PTPRB: variants seen among roughly 807,000 people sequenced by gnomAD.
PTPRB encodes the protein protein tyrosine phosphatase receptor type B.
Under a neutral mutation model 238.1 loss-of-function variants are expected in PTPRB, and 97 were observed. The observed-to-expected ratio is 0.41, with a 90% confidence interval of 0.35 to 0.48. The LOEUF (loss-of-function observed/expected upper bound fraction) is 0.48, where lower values mean the gene tolerates loss of function less well. PTPRB is among the 20% of genes least tolerant of loss of function. The probability of loss-of-function intolerance (pLI) is 0.30; values close to 1 mark genes in which losing one functional copy is unlikely to be tolerated. For missense variants in PTPRB, 2,292 were observed against 2,681.9 expected (o/e 0.85, Z 3.21); for synonymous variants, 970 against 995.4 (o/e 0.97, Z 0.48).
intron 21 of PTPRB, among the ~76,000 whole-genome samples, chr12:70,552,051 ATAAG>A (rs1308286839): frequency 6.6e-6 from 1 of 152,162 alleles, no homozygotes; most frequent in Non-Finnish European, 1.5e-5. Context: ...TAGAAGGTAA[ATAAG>A]TGAGTATAAT....
At position 70,539,757 on chromosome 12, in the gene PTPRB, A is replaced by C. The variant is rs558908746; in HGVS notation, c.5697-51T>G. The stretch of plus-strand genomic sequence containing the variant: ...AAAAGAGTTACTGCAGAAAAGGGAA[A>C]GTGCCATAACTATTCTGACTCATAT... On this transcript the variant is annotated intron_variant, in intron 25 of 33. Coordinates refer to ENST00000334414, the MANE Select transcript of PTPRB (RefSeq NM_001109754.4). 2.0e-4 allele frequency: 314 copies of C among 1,592,544 alleles called. 3 individuals are homozygous for C. In the South Asian group the frequency reaches 3.3e-3, roughly 17 times the overall value.
rs937307862 is a variant in PTPRB, at chr12:70,573,505, C to CTTTT, written c.2843-1422_2843-1419dup. On this transcript the variant is annotated intron_variant, in intron 11 of 33. Coordinates refer to ENST00000334414, the MANE Select transcript of PTPRB (RefSeq NM_001109754.4). ...CATGGTTTCTTTTTTCTTTTCTTTT[C>CTTTT]TTTTTTTTTTTTTTTTTTTGAGACA... Among the ~76,000 whole-genome samples, 308 of 90,756 alleles carry CTTTT rather than the reference C, an allele frequency of 3.4e-3. 3 individuals are homozygous for CTTTT. Among genetic ancestry groups the CTTTT allele is most frequent in the African/African-American group, 0.011 (267 of 24,606 alleles). 59.5% of individuals were successfully genotyped at this position (90,756 alleles called of 152,430 possible).
intron 4 of PTPRB, among the ~76,000 whole-genome samples, chr12:70,600,179 C>T (rs991494416): frequency 1.1e-4 from 17 of 152,078 alleles, no homozygotes; most frequent in Non-Finnish European, 2.2e-4. Context: ...ACAAAAAGGG[C>T]AGCCAATCCA....
intron 21 of PTPRB, among the ~76,000 whole-genome samples, 188 bp from the exon 22 acceptor site, chr12:70,544,851 C>G (rs1201710983): frequency 2.6e-5 from 4 of 152,188 alleles, no homozygotes; most frequent in Non-Finnish European, 4.4e-5. Context: ...TTATTGAGCC[C>G]CTGCCACACG....
In PTPRB at chr12:70,560,735, G is replaced by A. The variant is rs111361328; in HGVS notation, c.4368C>T (p.Tyr1456=). The A allele has an allele frequency of 1.6e-4, 255 of 1,613,736 alleles. No homozygotes were observed. Among genetic ancestry groups the A allele is most frequent in the Non-Finnish European group, 1.9e-4 (227 of 1,179,872 alleles). ...CACTGTGAGTTACCACCCACAGCACGTACTTCCTTCCAGGAACAAGGCCTT... is the reference window on the plus strand; with the variant it reads ...CACTGTGAGTTACCACCCACAGCACATACTTCCTTCCAGGAACAAGGCCTT... ...RFQGLVPGRK[Y]VLWVVTHSGD... is the part of the protein sequence containing the mutation. Residue 1456 remains tyrosine, a synonymous_variant, in exon 17 of 34, where the codon TAC becomes TAT. Transcript: ENST00000334414. The surrounding 1 kb of genome is among the most constrained non-coding windows in gnomAD (Gnocchi z 4.2).
chr12:70,559,048 A>T, intron 18 of PTPRB: 1 of 519,202 alleles, frequency 1.9e-6, no homozygotes, highest in Non-Finnish European at 3.4e-6. Flanking sequence ...CAGATTACCT[A>T]ACAAGTGTCT....
Position 70,600,334 on chromosome 12 carries a change from T to C in PTPRB, c.980-4007A>G, listed in dbSNP as rs188813114. On this transcript the variant is annotated intron_variant, in intron 4 of 33. Coordinates refer to ENST00000334414, the MANE Select transcript of PTPRB (RefSeq NM_001109754.4). The stretch of plus-strand genomic sequence containing the variant: ...CTCACTCGTGTTGTATAGGAACAGG[T>C]AGTAAAGTTGAGCTTCCAATACCTG... Among the ~76,000 whole-genome samples, 502 of 152,262 alleles carry C rather than the reference T, an allele frequency of 3.3e-3. 3 individuals carry two copies. Among genetic ancestry groups the C allele is most frequent in the South Asian group, 0.027 (128 of 4,814 alleles).
chr12:70,558,391 A>G (rs1306689912), intron 18 of PTPRB, among the ~76,000 whole-genome samples: 1 of 152,186 alleles, frequency 6.6e-6, no homozygotes, highest in African/African-American at 2.4e-5. Context: ...AAATAAAACA[A>G]CTACTTGCTT....
intron 32 of PTPRB, chr12:70,525,549 G>A (rs553165753): frequency 8.6e-5 from 13 of 151,994 alleles, no homozygotes; most frequent in Non-Finnish European, 1.5e-4. Flanking sequence ...CCCATCTGTT[G>A]GCTATTTAAG....
chr12:70,563,128 G>A (rs755298814), intron 15 of PTPRB, 21 bp from the exon 16 acceptor site: 2 of 1,595,680 alleles, frequency 1.3e-6, no homozygotes, highest in South Asian at 2.2e-5. Context: ...CGAGGAGCAA[G>A]AGAATGAGGG....
At position 70,594,669 on chromosome 12, in the gene PTPRB, A is replaced by C. The variant is rs754539497; in HGVS notation, c.1314T>G (p.Ile438Met). Reference protein sequence around the residue: ...GISTKANSLLISWSHGSGNVE... With the variant: ...GISTKANSLLMSWSHGSGNVE... ...CATTCCCAGAACCATGGGACCAGGA[A>C]ATCAGGAGAGAATTGGCTTTTGTGG... The change falls in exon 6 of 34, where the codon ATT becomes ATG. Residue 438 changes from isoleucine to methionine, a missense_variant. By Grantham distance (10) the Ile-to-Met change is conservative (BLOSUM62 1). Transcript: ENST00000334414. 2.5e-6 allele frequency: 4 copies of C among 1,613,908 alleles called. No individual in the cohort carries two copies. In the African/African-American group the frequency reaches 5.3e-5, roughly 22 times the overall value.
At chr12:70,534,411 G>T in intron 31 of PTPRB, 77 bp downstream of exon 31, 1 of 1,494,938 alleles carries the variant, frequency 6.7e-7, no homozygotes, top group Non-Finnish European at 9.0e-7. Context: ...AATTCCCCAT[G>T]CTTATGTATT....
At chr12:70,589,088 G>A (rs1488290312) in intron 8 of PTPRB, among the ~76,000 whole-genome samples, 1 of 152,222 alleles carries the variant, frequency 6.6e-6, no homozygotes, top group Non-Finnish European at 1.5e-5. Context: ...TATTGGAGAT[G>A]ACAGAGATGC....
chr12:70,571,533 T>A, intron 12 of PTPRB: 1 of 582,620 alleles, frequency 1.7e-6, no homozygotes, highest in Admixed American at 3.5e-5. Flanking sequence ...AGTTATGATC[T>A]CAATCATAAG....
intron 11 of PTPRB, among the ~76,000 whole-genome samples, chr12:70,575,723 C>A (rs1346541947): frequency 6.6e-6 from 1 of 152,186 alleles, no homozygotes; most frequent in East Asian, 1.9e-4. Flanking sequence ...CAGGTATAAA[C>A]CCCAGAAAGC....
rs1030698622 is a variant in PTPRB, at chr12:70,576,587, G to T, written c.2637C>A (p.Ser879Arg). ...VNNSGRNDYLSVSWLLAPGDV... is the reference protein window; with the variant it reads ...VNNSGRNDYLRVSWLLAPGDV... Reference sequence around the variant, plus strand: ...CTCCGGGCGCCAGCAGCCAGGAAACGCTGAGGTAGTCATTACGACCGGAAT... The same window carrying T: ...CTCCGGGCGCCAGCAGCCAGGAAACTCTGAGGTAGTCATTACGACCGGAAT... Residue 879 changes from serine to arginine, a missense_variant, in exon 11 of 34, where the codon AGC (serine) becomes AGA (arginine). Coordinates refer to ENST00000334414, the MANE Select transcript of PTPRB (RefSeq NM_001109754.4). The T allele has an allele frequency of 4.5e-6, 7 of 1,538,732 alleles. No homozygotes were observed. Among genetic ancestry groups the T allele is most frequent in the Non-Finnish European group, 6.1e-6 (7 of 1,141,618 alleles).
chr12:70,542,230 T>TCAA (rs1875247650), intron 22 of PTPRB: 3 of 152,170 alleles, frequency 2.0e-5, no homozygotes, highest in Admixed American at 2.0e-4. Context: ...TGCTTATTAG[T>TCAA]CAACTGTATA....
chr12:70,581,599 A>AT (rs1480401507), intron 9 of PTPRB, among the ~76,000 whole-genome samples: 3 of 152,112 alleles, frequency 2.0e-5, no homozygotes, highest in Non-Finnish European at 4.4e-5. Flanking sequence ...GAAGGCTGCT[A>AT]TTTTTGAAAA....
At chr12:70,534,266 A>C (rs1391986246) in intron 31 of PTPRB, among the ~76,000 whole-genome samples, 1 of 152,154 alleles carries the variant, frequency 6.6e-6, no homozygotes, top group Non-Finnish European at 1.5e-5. Context: ...AGTGAGGATG[A>C]GAGAGAGGCT....
Sources: allele counts gnomAD v4.1 joint callset (sites outside exome capture counted in the v4.1 genomes callset), GRCh38; gene constraint gnomAD v4.1.1; non-coding constraint Gnocchi (gnomAD v3.1); transcripts MANE v1.5; gene names NCBI Gene and HGNC (gene_info 2026-07-23, HGNC 2026-07-21).